GALNTL6: variants seen among roughly 807,000 people sequenced by gnomAD.
The protein encoded by GALNTL6 is polypeptide N-acetylgalactosaminyltransferase-like 6.
In GALNTL6, 46 loss-of-function variants were observed where a neutral mutation model predicts 73.7. That is an observed-to-expected ratio of 0.62 (90% confidence interval 0.49 to 0.80). The LOEUF is 0.80. GALNTL6 is among the 30% of genes least tolerant of loss of function. The pLI, the probability that GALNTL6 is intolerant of heterozygous loss-of-function variation, is 0.00. For missense variants in GALNTL6, 604 were observed against 755.0 expected, an observed-to-expected ratio of 0.80 and a Z score of 2.34; for synonymous variants, 259 against 263.7, an observed-to-expected ratio of 0.98 and a Z score of 0.17.
intron 2 of GALNTL6, among the ~76,000 whole-genome samples, chr4:171,850,189 C>A (rs1483328062): frequency 6.6e-6 from 1 of 152,162 alleles, no homozygotes; most frequent in Non-Finnish European, 1.5e-5. Flanking sequence ...CCAGGCTGTT[C>A]TCGAATTCCT....
rs534068600 is a variant in GALNTL6 at position 172,893,202 on chromosome 4, C to T, written c.1041+10295C>T. 7.6e-4 allele frequency among the ~76,000 whole-genome samples: 116 copies of T among 152,288 alleles called. No individual in the cohort carries two copies. In the Middle Eastern group the frequency reaches 0.024, roughly 31 times the overall value. On this transcript the variant is annotated intron_variant, in intron 8 of 12. Transcript: ENST00000506823. ...TTGCTGGGCAGTTCCAGGTGTTCCA[C>T]GCTGTAGGGATCCCTGAGGAAGAAG...
At chr4:172,308,846 A>T (rs1264547250) in intron 3 of GALNTL6, among the ~76,000 whole-genome samples, 1 of 152,118 alleles carries the variant, frequency 6.6e-6, no homozygotes, top group East Asian at 1.9e-4. Flanking sequence ...TCTCTCTTTT[A>T]TTTACTTACA....
intron 5 of GALNTL6, among the ~76,000 whole-genome samples, chr4:172,514,361 TGGG>T (rs1465194620): frequency 6.6e-6 from 1 of 152,110 alleles, no homozygotes; most frequent in East Asian, 1.9e-4. Context: ...ACCAGTGAAG[TGGG>T]GGAAAGCTGG....
intron 4 of GALNTL6, among the ~76,000 whole-genome samples, chr4:172,314,026 T>C (rs907180046): frequency 6.6e-6 from 1 of 152,222 alleles, no homozygotes; most frequent in African/African-American, 2.4e-5. Flanking sequence ...TTTAAAGTAC[T>C]ATGCTTTTGA....
chr4:172,443,121 C>CATATAT lies in GALNTL6; in HGVS notation c.553+94469_553+94474dup, dbSNP rs4048464. On this transcript the variant is annotated intron_variant, in intron 5 of 12. Transcript: ENST00000506823. ...GAAATCACCAGTAATGATCCATATACATATATATATATATATATATATATA... is the reference window on the plus strand; with the variant it reads ...GAAATCACCAGTAATGATCCATATACATATATATATATATATATATATATATATATA... Among the ~76,000 whole-genome samples, 374 of 51,946 alleles carry CATATAT rather than the reference C, an allele frequency of 7.2e-3. 2 individuals carry two copies. Among genetic ancestry groups the CATATAT allele is most frequent in the Non-Finnish European group, 9.7e-3 (256 of 26,292 alleles). 34.1% of individuals were successfully genotyped at this position (51,946 alleles called of 152,430 possible).
At chr4:172,849,510 G>A (rs983382460) in intron 7 of GALNTL6, among the ~76,000 whole-genome samples, 3 of 152,170 alleles carry the variant, frequency 2.0e-5, no homozygotes, top group African/African-American at 7.2e-5. Flanking sequence ...ATGAATGGGA[G>A]AGTAGATGGA....
At chr4:172,656,175 C>T (rs1011626253) in intron 5 of GALNTL6, among the ~76,000 whole-genome samples, 1 of 152,070 alleles carries the variant, frequency 6.6e-6, no homozygotes, top group Non-Finnish European at 1.5e-5. Flanking sequence ...AAATCTGTCT[C>T]CCTGAGCGAG....
At chr4:171,843,672 A>T (rs17057484) in intron 2 of GALNTL6, among the ~76,000 whole-genome samples, 2,737 of 152,192 alleles carry the variant, frequency 0.018, 62 homozygotes, top group African/African-American at 0.058. Context: ...TATGTGTAAT[A>T]TATTTGGTGC....
chr4:172,723,566 T>C (rs1482592255), intron 5 of GALNTL6, among the ~76,000 whole-genome samples: 2 of 152,196 alleles, frequency 1.3e-5, no homozygotes, highest in African/African-American at 4.8e-5. Context: ...TAGCACACTT[T>C]TTTTTTCTGA....
chr4:172,654,103 C>T (rs747144087), intron 5 of GALNTL6, among the ~76,000 whole-genome samples: 8 of 152,120 alleles, frequency 5.3e-5, no homozygotes, highest in Admixed American at 1.3e-4. Flanking sequence ...AAGCCATTTT[C>T]GTTGGAAATA....
intron 5 of GALNTL6, among the ~76,000 whole-genome samples, chr4:172,544,370 G>T (rs1735678238): frequency 6.6e-6 from 1 of 152,078 alleles, no homozygotes; most frequent in South Asian, 2.1e-4. Context: ...GTTCTCAAGG[G>T]TCCTGTTTAT....
chr4:173,004,517 T>C (rs1752187468), intron 10 of GALNTL6, among the ~76,000 whole-genome samples: 1 of 151,756 alleles, frequency 6.6e-6, no homozygotes, highest in Non-Finnish European at 1.5e-5. Context: ...TCCCAGCTAT[T>C]TGGGAGGCTG....
At chr4:172,909,573 A>T (rs1160521464) in intron 8 of GALNTL6, among the ~76,000 whole-genome samples, 1 of 152,132 alleles carries the variant, frequency 6.6e-6, no homozygotes, top group Admixed American at 6.5e-5. Flanking sequence ...ATGTGAATTA[A>T]TATTATAATG....
At chr4:172,996,630 A>C (rs1751801328) in intron 10 of GALNTL6, among the ~76,000 whole-genome samples, 3 of 152,212 alleles carry the variant, frequency 2.0e-5, no homozygotes. Context: ...AAATTGTTCC[A>C]TATGCTCTGT....
At chr4:172,907,256 A>G (rs1746949413) in intron 8 of GALNTL6, among the ~76,000 whole-genome samples, 1 of 152,202 alleles carries the variant, frequency 6.6e-6, no homozygotes, top group Non-Finnish European at 1.5e-5. Flanking sequence ...TTCAAATTGA[A>G]TATAAAACTA....
chr4:172,451,500 A>G (rs868042232), intron 5 of GALNTL6, among the ~76,000 whole-genome samples: 3 of 152,152 alleles, frequency 2.0e-5, no homozygotes, highest in Non-Finnish European at 4.4e-5. Context: ...CTAGGAAGAG[A>G]TTCTAGAGGT....
At chr4:172,849,216 A>G (rs1042249383) in intron 7 of GALNTL6, among the ~76,000 whole-genome samples, 3 of 152,136 alleles carry the variant, frequency 2.0e-5, no homozygotes, top group Non-Finnish European at 2.9e-5. Flanking sequence ...AAGGAAGACA[A>G]TTTTTCAAAG....
Position 172,969,743 on chromosome 4 carries a change from G to A in GALNTL6, c.1371+17485G>A, listed in dbSNP as rs193078497. Among the ~76,000 whole-genome samples the A allele has an allele frequency of 1.4e-3, 218 of 152,298 alleles. 1 individual carries two copies. Among genetic ancestry groups the A allele is most frequent in the South Asian group, 2.3e-3 (11 of 4,830 alleles). ...CTATGATTTGAATTTGTCCCCCAAAGTTCATGTGTTGGAAACGTAATCGTC... is the reference window on the plus strand; with the variant it reads ...CTATGATTTGAATTTGTCCCCCAAAATTCATGTGTTGGAAACGTAATCGTC... On this transcript the variant is annotated intron_variant, in intron 10 of 12. Coordinates refer to ENST00000506823, the MANE Select transcript of GALNTL6 (RefSeq NM_001034845.3).
At chr4:172,048,340 CA>C (rs1742276583) in intron 2 of GALNTL6, among the ~76,000 whole-genome samples, 1 of 152,042 alleles carries the variant, frequency 6.6e-6, no homozygotes, top group Non-Finnish European at 1.5e-5. Flanking sequence ...ACCCAGAAGC[CA>C]AAACTTACAC....
Sources: gnomAD v4.1 joint callset for allele counts (sites outside exome capture counted in the v4.1 genomes callset) on GRCh38, gnomAD v4.1.1 for gene constraint, MANE v1.5 for transcripts, NCBI Gene and HGNC (gene_info 2026-07-23, HGNC 2026-07-21) for gene names.